MTPAP: variants seen among roughly 807,000 people sequenced by gnomAD.
MTPAP encodes the protein poly(A) RNA polymerase, mitochondrial.
MTPAP carries 23 observed loss-of-function variants against 48.7 expected under a neutral mutation model. That is an observed-to-expected ratio of 0.47 (90% CI 0.34 to 0.67). MTPAP has a LOEUF of 0.67. Ranked by LOEUF, MTPAP falls within the 30% of genes least tolerant of loss-of-function variation. The pLI, the probability that MTPAP is intolerant of heterozygous loss-of-function variation, is 0.01. For missense variants in MTPAP, 614 were observed against 694.3 expected (o/e 0.88, Z 1.30); for synonymous variants, 257 against 254.1 (o/e 1.01, Z -0.11).
intron 5 of MTPAP, 65 bp downstream of exon 5, chr10:30,326,359 T>G: frequency 1.6e-5 from 23 of 1,407,156 alleles, no homozygotes; most frequent in Non-Finnish European, 2.3e-5. Flanking sequence ...TGTTTCTGTG[T>G]GAGAAACACT....
In MTPAP at chr10:30,313,531, T is replaced by C; in HGVS notation, c.*78A>G. On this transcript the variant is annotated 3_prime_UTR_variant, in exon 9 of 9. Transcript: ENST00000263063. ...AGATGAAAGCTGAGATCTGTGAAAG[T>C]TTCAAATCAGTTTTTCCAAGTAAGT... 1 of 1,574,164 alleles carries C rather than the reference T, an allele frequency of 6.4e-7. No homozygotes were observed. Among genetic ancestry groups the C allele is most frequent in the Admixed American group, 1.7e-5 (1 of 59,822 alleles).
In MTPAP at chr10:30,312,339, G is replaced by A. The variant is rs1394390277; in HGVS notation, c.*1270C>T. 2 of 152,056 alleles carry A rather than the reference G, an allele frequency of 1.3e-5. No homozygotes were observed. The highest frequency in any genetic ancestry group is 4.8e-5 in the African/African-American group (2 of 41,406). 9.4% of individuals were successfully genotyped at this position (152,056 alleles called of 1,614,324 possible). A position where few individuals can be genotyped will look rare whatever the true frequency, so the allele number is the denominator to read the frequency against. ...CTCACGCTTGTAATCCCAGCACTTT[G>A]GGAGGTTGAGGTGGGCTGATCACGA... On this transcript the variant is annotated 3_prime_UTR_variant, in exon 9 of 9. Transcript: ENST00000263063.
At position 30,311,214 on chromosome 10, in the gene MTPAP, T is replaced by C. The variant is rs1007852618; in HGVS notation, c.*2395A>G. On this transcript the variant is annotated 3_prime_UTR_variant, in exon 9 of 9. Coordinates refer to ENST00000263063, the MANE Select transcript of MTPAP (RefSeq NM_018109.4). ...CTAGCCCAACAAAATAAAGAACAAA[T>C]GAAAAATGGCTTTTAAAGACATCGC... The C allele has an allele frequency of 6.6e-6, 1 of 152,098 alleles. No individual in the cohort carries two copies. Among genetic ancestry groups the C allele is most frequent in the Non-Finnish European group, 1.5e-5 (1 of 68,014 alleles). The allele number at this position is 152,098 out of a possible 1,614,324, so 9.4% of individuals were successfully genotyped here. A position where few individuals can be genotyped will look rare whatever the true frequency, so the allele number is the denominator to read the frequency against.
At chr10:30,341,144 G>C (rs112325340) in intron 2 of MTPAP, among the ~76,000 whole-genome samples, 2 of 151,570 alleles carry the variant, frequency 1.3e-5, no homozygotes, top group African/African-American at 2.4e-5. Context: ...CCTAGGAGTC[G>C]AGGCTGTAGT....
At chr10:30,314,415 C>T (rs987621062) in intron 8 of MTPAP, among the ~76,000 whole-genome samples, 3 of 151,970 alleles carry the variant, frequency 2.0e-5, no homozygotes, top group Admixed American at 1.3e-4. Flanking sequence ...ATGGTAGAAA[C>T]AGGAACACAC....
In MTPAP at chr10:30,342,509, A is replaced by G. The variant is rs147804264; in HGVS notation, c.158-869T>C. ...CCCACTTTCTCTGTTTTGATTTACT[A>G]TGCTTGATGCAAAGTGCTGAAAACG... On this transcript the variant is annotated intron_variant, in intron 1 of 8. Transcript: ENST00000263063. Among the ~76,000 whole-genome samples, 640 of 147,976 alleles carry G rather than the reference A, an allele frequency of 4.3e-3. 3 individuals carry two copies. Among genetic ancestry groups the G allele is most frequent in the African/African-American group, 0.015 (598 of 40,628 alleles).
chr10:30,323,473 A>AG (rs966688756), intron 5 of MTPAP, among the ~76,000 whole-genome samples: 1 of 150,948 alleles, frequency 6.6e-6, no homozygotes, highest in South Asian at 2.1e-4. Flanking sequence ...AAAAAAAAAA[A>AG]GAAATAAAGA....
At chr10:30,324,193 C>CATAT (rs149287185) in intron 5 of MTPAP, among the ~76,000 whole-genome samples, 1 of 145,034 alleles carries the variant, frequency 6.9e-6, no homozygotes, top group Non-Finnish European at 1.5e-5. Flanking sequence ...AACACACACA[C>CATAT]ATATATATAT....
intron 4 of MTPAP, among the ~76,000 whole-genome samples, chr10:30,332,099 CAAAG>C (rs1204989810): frequency 3.3e-5 from 5 of 152,146 alleles, no homozygotes; most frequent in African/African-American, 1.2e-4. Context: ...AGAAAGTAGT[CAAAG>C]AAGGTTTTAT....
Position 30,349,110 on chromosome 10 carries a change from C to G in MTPAP, c.157+9G>C. ...GGGACGGAACTACAGGGCAAACCGGCGCCATCACCTGTCTCCACGCTCCCT... is the reference window on the plus strand; with the variant it reads ...GGGACGGAACTACAGGGCAAACCGGGGCCATCACCTGTCTCCACGCTCCCT... On this transcript the variant is annotated intron_variant, in intron 1 of 8. Transcript: ENST00000263063. 6.2e-7 allele frequency: 1 copy of G among 1,613,568 alleles called. No homozygotes were observed. Among genetic ancestry groups the G allele is most frequent in the Non-Finnish European group, 8.5e-7 (1 of 1,179,770 alleles).
At chr10:30,332,302 T>A (rs571570168) in intron 4 of MTPAP, among the ~76,000 whole-genome samples, 1 of 152,312 alleles carries the variant, frequency 6.6e-6, no homozygotes, top group South Asian at 2.1e-4. Context: ...TGGTTATTTC[T>A]GTGTATGTAT....
intron 6 of MTPAP, 72 bp downstream of exon 6, chr10:30,322,319 G>A (rs1471610458): frequency 2.4e-6 from 3 of 1,240,950 alleles, no homozygotes; most frequent in African/African-American, 1.5e-5. Context: ...ACGGGACTTT[G>A]GTAACACATG....
chr10:30,348,750 A>G, intron 1 of MTPAP: 1 of 232,962 alleles, frequency 4.3e-6, no homozygotes, highest in South Asian at 6.7e-5. Flanking sequence ...TATCAAAATC[A>G]GAAATATACG....
intron 3 of MTPAP, among the ~76,000 whole-genome samples, chr10:30,338,935 A>T (rs1049795658): frequency 3.3e-5 from 5 of 151,850 alleles, no homozygotes; most frequent in Admixed American, 6.6e-5. Context: ...CATCCTGGCT[A>T]ACTCAGTGAA....
chr10:30,342,268 T>C (rs1462702874), intron 1 of MTPAP, among the ~76,000 whole-genome samples: 3 of 152,070 alleles, frequency 2.0e-5, no homozygotes, highest in Non-Finnish European at 4.4e-5. Context: ...CAACAACTAA[T>C]AATGAAATAG....
intron 4 of MTPAP, among the ~76,000 whole-genome samples, chr10:30,334,334 A>C (rs1296808599): frequency 1.3e-5 from 2 of 152,134 alleles, no homozygotes; most frequent in Admixed American, 1.3e-4. Flanking sequence ...TGATATTTAC[A>C]AGTGCCTTCT....
intron 4 of MTPAP, among the ~76,000 whole-genome samples, chr10:30,332,987 G>A (rs1399802924): frequency 6.6e-6 from 1 of 152,018 alleles, no homozygotes; most frequent in African/African-American, 2.4e-5. Context: ...TGGGCGTGGT[G>A]GCGGGCGCCT....
At chr10:30,342,304 A>C (rs556531492) in intron 1 of MTPAP, among the ~76,000 whole-genome samples, 1 of 152,280 alleles carries the variant, frequency 6.6e-6, no homozygotes, top group African/African-American at 2.4e-5. Context: ...CTGTAATAAA[A>C]GTTATATGAA....
intron 4 of MTPAP, among the ~76,000 whole-genome samples, chr10:30,327,096 G>T (rs886804890): frequency 7.8e-4 from 119 of 152,080 alleles, no homozygotes; most frequent in African/African-American, 2.3e-3. Context: ...CTTGTACATA[G>T]GAATTTAATA....
Sources: allele counts gnomAD v4.1 joint callset (sites outside exome capture counted in the v4.1 genomes callset), GRCh38; gene constraint gnomAD v4.1.1; transcripts MANE v1.5; gene names NCBI Gene and HGNC (gene_info 2026-07-23, HGNC 2026-07-21).